Variants in BBS4 observed in about 807,000 individuals in gnomAD.
BBS4 encodes the protein Bardet-Biedl syndrome 4.
Under a neutral mutation model 71.4 loss-of-function variants are expected in BBS4, and 58 were observed. That is an observed-to-expected ratio of 0.81 (90% CI 0.66 to 1.01). BBS4 has a LOEUF of 1.01. Ranked by LOEUF, BBS4 falls within the 50% of genes least tolerant of loss-of-function variation. BBS4 has a pLI of 0.00. For synonymous variants in BBS4, 228 were observed against 216.8 expected, an observed-to-expected ratio of 1.05 and a Z score of -0.46; for missense variants, 660 against 607.9, an observed-to-expected ratio of 1.09 and a Z score of -0.90.
chr15:72,713,314 G>GACACATACAC (rs2065408054), intron 4 of BBS4, among the ~76,000 whole-genome samples: 1 of 143,442 alleles, frequency 7.0e-6, no homozygotes, highest in Non-Finnish European at 1.5e-5. Context: ...AGGTCTTTGT[G>GACACATACAC]ACACACACAC....
At chr15:72,703,596 G>T (rs1385720872) in intron 2 of BBS4, among the ~76,000 whole-genome samples, 1 of 152,076 alleles carries the variant, frequency 6.6e-6, no homozygotes, top group Non-Finnish European at 1.5e-5. Context: ...AATTTTAGGG[G>T]GGATAAATGG....
At chr15:72,705,587 CTTTTTTTTTTTTTT>C (rs762708438) in intron 2 of BBS4, among the ~76,000 whole-genome samples, 1 of 86,862 alleles carries the variant, frequency 1.2e-5, no homozygotes, top group Admixed American at 1.7e-4. Context: ...ATGGCTTGTC[CTTTTTTTTTTTTTT>C]TTTTTTTTTG....
intron 7 of BBS4, 43 bp downstream of exon 7, chr15:72,722,890 T>G (rs770650500): frequency 5.8e-6 from 9 of 1,556,272 alleles, no homozygotes; most frequent in Non-Finnish European, 7.1e-6. Flanking sequence ...AGGGTGCACT[T>G]GTTGCAGAAG....
chr15:72,737,502 C>T lies in BBS4; in HGVS notation c.1475C>T (p.Thr492Ile). 6.2e-7 allele frequency: 1 copy of T among 1,612,960 alleles called. No individual in the cohort carries two copies. The highest frequency in any genetic ancestry group is 8.5e-7 in the Non-Finnish European group (1 of 1,179,586). ...GGTGCTGGAGGAACATCCCAGTTCA[C>T]AAAGCCCCCATCTCTTCCTCTGGAG... ...PSGAGGTSQF[T>I]KPPSLPLEPE... is the part of the protein sequence containing the mutation. Residue 492 changes from threonine to isoleucine, a missense_variant, in exon 16 of 16, where the codon ACA becomes ATA. Thr to Ile is a moderately conservative substitution (Grantham distance 89). Coordinates refer to ENST00000268057, the MANE Select transcript of BBS4 (RefSeq NM_033028.5).
chr15:72,712,427 A>T, intron 4 of BBS4, 120 bp downstream of exon 4: 3 of 950,854 alleles, frequency 3.2e-6, no homozygotes, highest in Non-Finnish European at 4.9e-6. Flanking sequence ...AACAATGGAG[A>T]TATGTTCTAA....
chr15:72,730,828 C>T (rs1344072801), intron 10 of BBS4, among the ~76,000 whole-genome samples: 1 of 152,264 alleles, frequency 6.6e-6, no homozygotes, highest in East Asian at 1.9e-4. Context: ...AATGAAAGGG[C>T]TGGGCTGATG....
chr15:72,717,944 G>A (rs2065496451), intron 6 of BBS4, among the ~76,000 whole-genome samples: 1 of 152,096 alleles, frequency 6.6e-6, no homozygotes, highest in Non-Finnish European at 1.5e-5. Context: ...TTTCTTCCAG[G>A]TTCAAGTGAT....
chr15:72,688,655 G>A (rs1027372245), intron 1 of BBS4, among the ~76,000 whole-genome samples: 2 of 151,926 alleles, frequency 1.3e-5, no homozygotes, highest in South Asian at 2.1e-4. Flanking sequence ...TGCACGCCTC[G>A]GTCTCCCAAA....
chr15:72,726,441 G>A (rs1404631545), intron 8 of BBS4, among the ~76,000 whole-genome samples: 1 of 152,138 alleles, frequency 6.6e-6, no homozygotes, highest in Admixed American at 6.5e-5. Flanking sequence ...TGGGATAGCT[G>A]TAGCAAAATG....
chr15:72,691,138 C>T (rs1206685012), intron 1 of BBS4, among the ~76,000 whole-genome samples: 2 of 152,120 alleles, frequency 1.3e-5, no homozygotes, highest in Admixed American at 6.5e-5. Context: ...GTGCAGGCCA[C>T]GCTTGGCTAA....
chr15:72,715,850 A>T (rs1237293268), intron 5 of BBS4, among the ~76,000 whole-genome samples: 1 of 152,250 alleles, frequency 6.6e-6, no homozygotes, highest in Non-Finnish European at 1.5e-5. Flanking sequence ...ATTGTTATGT[A>T]TTCAGTAGAA....
intron 1 of BBS4, among the ~76,000 whole-genome samples, chr15:72,688,046 C>CAAAAAAAA (rs199931617): frequency 1.3e-4 from 11 of 84,942 alleles, no homozygotes; most frequent in Non-Finnish European, 2.5e-4. Flanking sequence ...GACTCCGTCT[C>CAAAAAAAA]AAAAAAAAAA....
intron 1 of BBS4, among the ~76,000 whole-genome samples, chr15:72,693,256 C>T (rs937179509): frequency 4.6e-5 from 7 of 152,144 alleles, no homozygotes; most frequent in South Asian, 2.1e-4. Flanking sequence ...AGAATACTTG[C>T]TTATTTTACC....
At chr15:72,722,970 C>T (rs1331159461) in intron 7 of BBS4, 123 bp downstream of exon 7, 35 of 790,144 alleles carry the variant, frequency 4.4e-5, no homozygotes, top group Middle Eastern at 4.5e-4. Context: ...ATTGAAAGTA[C>T]CTTTATACAT....
At chr15:72,696,291 A>G (rs2065074854) in intron 2 of BBS4, among the ~76,000 whole-genome samples, 1 of 152,156 alleles carries the variant, frequency 6.6e-6, no homozygotes, top group African/African-American at 2.4e-5. Context: ...GCCTGATAAT[A>G]TTTTAGTTTT....
At chr15:72,723,684 C>T (rs1304147884) in intron 7 of BBS4, among the ~76,000 whole-genome samples, 2 of 152,160 alleles carry the variant, frequency 1.3e-5, no homozygotes, top group Non-Finnish European at 2.9e-5. Flanking sequence ...GTAAAAGTAA[C>T]TTTTCTCCTG....
intron 2 of BBS4, among the ~76,000 whole-genome samples, chr15:72,699,073 C>T (rs1179484477): frequency 6.6e-6 from 1 of 152,164 alleles, no homozygotes; most frequent in East Asian, 1.9e-4. Context: ...GTATCCTCAC[C>T]TCTGAGTCTA....
chr15:72,700,883 T>C (rs1396462513), intron 2 of BBS4, among the ~76,000 whole-genome samples: 1 of 152,232 alleles, frequency 6.6e-6, no homozygotes, highest in African/African-American at 2.4e-5. Context: ...TCCTCTCCCT[T>C]TTCTGCATTA....
chr15:72,710,643 A>G (rs1004309416), intron 3 of BBS4, among the ~76,000 whole-genome samples: 11 of 152,340 alleles, frequency 7.2e-5, no homozygotes, highest in East Asian at 3.9e-4. Flanking sequence ...TGGTAGTACT[A>G]ACATGCAGAA....
Sources: gnomAD v4.1 joint callset for allele counts (sites outside exome capture counted in the v4.1 genomes callset) on GRCh38, gnomAD v4.1.1 for gene constraint, MANE v1.5 for transcripts, NCBI Gene and HGNC (gene_info 2026-07-23, HGNC 2026-07-21) for gene names.